DNAJC24: variants seen among roughly 807,000 people sequenced by gnomAD.
DNAJC24 encodes DnaJ heat shock protein family (Hsp40) member C24.
A neutral mutation model predicts 18.0 loss-of-function variants in DNAJC24; 17 were observed. That is an observed-to-expected ratio of 0.94 (90% CI 0.65 to 1.42). The LOEUF (loss-of-function observed/expected upper bound fraction) is 1.42. DNAJC24 is among the 40% of genes most tolerant of loss of function. DNAJC24 has a pLI of 0.00. For synonymous variants in DNAJC24, 55 were observed against 57.7 expected, an observed-to-expected ratio of 0.95 and a Z score of 0.21; for missense variants, 158 against 175.6, an observed-to-expected ratio of 0.90 and a Z score of 0.57.
chr11:31,392,801 C>G (rs1198906931), intron 2 of DNAJC24, among the ~76,000 whole-genome samples: 1 of 151,444 alleles, frequency 6.6e-6, no homozygotes, highest in Admixed American at 6.6e-5. Flanking sequence ...CCTCTGCCTC[C>G]CAGGTTCAAG....
intron 2 of DNAJC24, among the ~76,000 whole-genome samples, chr11:31,411,572 C>T (rs1017903909): frequency 2.0e-5 from 3 of 152,188 alleles, no homozygotes; most frequent in Non-Finnish European, 4.4e-5. Context: ...TGCAGGCATT[C>T]CTTGGCTTGT....
intron 3 of DNAJC24, among the ~76,000 whole-genome samples, chr11:31,425,655 G>A (rs1224805747): frequency 6.6e-6 from 1 of 152,050 alleles, no homozygotes; most frequent in African/African-American, 2.4e-5. Flanking sequence ...TATTGGATTA[G>A]AACCCCACTT....
intron 2 of DNAJC24, among the ~76,000 whole-genome samples, chr11:31,399,943 G>A (rs1952584395): frequency 6.6e-6 from 1 of 151,882 alleles, no homozygotes; most frequent in Non-Finnish European, 1.5e-5. Context: ...CCTGGTGTGT[G>A]TTGTTCCCCT....
chr11:31,428,975 G>A (rs1223077), intron 4 of DNAJC24, among the ~76,000 whole-genome samples: 58,457 of 151,844 alleles, frequency 0.38, 14,508 homozygotes, highest in African/African-American at 0.71. Flanking sequence ...TGAGGTAGTA[G>A]AAAAACAAGG....
At chr11:31,429,134 G>A (rs1952893250) in intron 4 of DNAJC24, among the ~76,000 whole-genome samples, 1 of 151,552 alleles carries the variant, frequency 6.6e-6, no homozygotes, top group Admixed American at 6.6e-5. Flanking sequence ...TGGAATTCAA[G>A]ATTAAATTAT....
chr11:31,393,233 G>C (rs1271314851), intron 2 of DNAJC24, among the ~76,000 whole-genome samples: 1 of 152,084 alleles, frequency 6.6e-6, no homozygotes, highest in Admixed American at 6.5e-5. Context: ...CAGGTTGTTT[G>C]GGCAGGGGAT....
chr11:31,396,120 C>T (rs888094681), intron 2 of DNAJC24, among the ~76,000 whole-genome samples: 3 of 152,198 alleles, frequency 2.0e-5, no homozygotes, highest in African/African-American at 4.8e-5. Context: ...CGGTGACTAC[C>T]GAAGTGGCCA....
At chr11:31,394,835 G>T (rs1235060840) in intron 2 of DNAJC24, among the ~76,000 whole-genome samples, 1 of 152,028 alleles carries the variant, frequency 6.6e-6, no homozygotes, top group East Asian at 1.9e-4. Context: ...GAATTGATAT[G>T]AAGGTAAAAG....
At chr11:31,423,686 C>T (rs1198611872) in intron 3 of DNAJC24, among the ~76,000 whole-genome samples, 1 of 152,080 alleles carries the variant, frequency 6.6e-6, no homozygotes, top group African/African-American at 2.4e-5. Context: ...ATTTTTTTGT[C>T]AGATACTGGT....
chr11:31,430,599 C>A lies in DNAJC24; in HGVS notation c.*198C>A. ...TATTTGTATTTATAATTTATATTTACAAGTTGTCACAAAAATAGATTTGAT... is the reference window on the plus strand; with the variant it reads ...TATTTGTATTTATAATTTATATTTAAAAGTTGTCACAAAAATAGATTTGAT... On this transcript the variant is annotated 3_prime_UTR_variant, in exon 5 of 5. Coordinates refer to ENST00000465995, the MANE Select transcript of DNAJC24 (RefSeq NM_181706.5). The A allele has an allele frequency of 3.8e-6, 1 of 264,638 alleles. No individual in the cohort carries two copies. The highest frequency in any genetic ancestry group is 6.8e-6 in the Non-Finnish European group (1 of 147,626). 16.4% of individuals were successfully genotyped at this position (264,638 alleles called of 1,614,324 possible).
rs1293742239 is a variant in DNAJC24, at chr11:31,432,459, T to C, written c.*2058T>C. 5 of 1,364,968 alleles carry C rather than the reference T, an allele frequency of 3.7e-6. No individual in the cohort carries two copies. Among genetic ancestry groups the C allele is most frequent in the Non-Finnish European group, 5.2e-6 (5 of 955,104 alleles). 84.6% of individuals were successfully genotyped at this position (1,364,968 alleles called of 1,614,324 possible). ...TTTCAACGGGAGTAATAAATTCACA[T>C]GAAAAGGAGACAATAATCAAGTCAA... is the stretch of plus-strand genomic sequence containing the variant. On this transcript the variant is annotated 3_prime_UTR_variant, in exon 5 of 5. Coordinates refer to ENST00000465995, the MANE Select transcript of DNAJC24 (RefSeq NM_181706.5).
intron 2 of DNAJC24, among the ~76,000 whole-genome samples, chr11:31,371,263 G>A (rs1952243584): frequency 6.6e-6 from 1 of 152,014 alleles, no homozygotes; most frequent in Admixed American, 6.5e-5. Context: ...GACTTGAGAT[G>A]GACTGTAAGG....
rs76984133 is a variant in DNAJC24, at chr11:31,404,399, C to T, written c.112-10412C>T. ...TTAAGCTGTTATGACCTTTTGCTTA[C>T]TGAGTTGCTCATTTACTTCTCAGGG... On this transcript the variant is annotated intron_variant, in intron 2 of 4. Coordinates refer to ENST00000465995, the MANE Select transcript of DNAJC24 (RefSeq NM_181706.5). 7.8e-3 allele frequency among the ~76,000 whole-genome samples: 1,182 copies of T among 152,252 alleles called. 19 individuals carry two copies. Among genetic ancestry groups the T allele is most frequent in the African/African-American group, 0.027 (1,131 of 41,534 alleles).
At chr11:31,388,140 A>C in intron 2 of DNAJC24, among the ~76,000 whole-genome samples, 1 of 152,328 alleles carries the variant, frequency 6.6e-6, no homozygotes, top group East Asian at 1.9e-4. Flanking sequence ...AGTAGGGCAA[A>C]TCTAAGAGTT....
chr11:31,390,535 G>A (rs1386811366), intron 2 of DNAJC24, among the ~76,000 whole-genome samples: 1 of 150,916 alleles, frequency 6.6e-6, no homozygotes, highest in Non-Finnish European at 1.5e-5. Context: ...GTGAAACCTT[G>A]TCTCTACTAA....
At chr11:31,428,901 C>T (rs1027664174) in intron 4 of DNAJC24, among the ~76,000 whole-genome samples, 2 of 152,050 alleles carry the variant, frequency 1.3e-5, no homozygotes, top group African/African-American at 4.8e-5. Flanking sequence ...TCCACAGTAG[C>T]CCATGGTGTC....
chr11:31,374,786 T>C lies in DNAJC24; in HGVS notation c.111+3927T>C, dbSNP rs1952296736. Among the ~76,000 whole-genome samples the C allele has an allele frequency of 1.5e-5, 2 of 134,490 alleles. 1 individual carries two copies. Among genetic ancestry groups the C allele is most frequent in the African/African-American group, 5.0e-5 (2 of 40,168 alleles). The allele number at this position is 134,490 out of a possible 152,430, so 88.2% of individuals were successfully genotyped here. A position where few individuals can be genotyped will look rare whatever the true frequency, so the allele number is the denominator to read the frequency against. ...CCTGCCTCTGTGTGAATGAACTCAC[T>C]TCTTTGTCTCTTTCACTTTAGACTT... On this transcript the variant is annotated intron_variant, in intron 2 of 4. Transcript: ENST00000465995.
At chr11:31,405,610 T>A (rs1204607587) in intron 2 of DNAJC24, among the ~76,000 whole-genome samples, 1 of 151,996 alleles carries the variant, frequency 6.6e-6, no homozygotes, top group Non-Finnish European at 1.5e-5. Context: ...CCAGAGTAAC[T>A]GGGACTGCAT....
chr11:31,394,722 T>C (rs928367204), intron 2 of DNAJC24, among the ~76,000 whole-genome samples: 1 of 151,956 alleles, frequency 6.6e-6, no homozygotes, highest in Admixed American at 6.6e-5. Flanking sequence ...TTTATAGTAT[T>C]AAATACTTAT....
Sources: gnomAD v4.1 joint callset for allele counts (sites outside exome capture counted in the v4.1 genomes callset) on GRCh38, gnomAD v4.1.1 for gene constraint, MANE v1.5 for transcripts, NCBI Gene and HGNC (gene_info 2026-07-23, HGNC 2026-07-21) for gene names.